Variants in MYLK observed in about 807,000 individuals in gnomAD.
MYLK encodes the protein myosin light chain kinase, smooth muscle.
In MYLK, 106 loss-of-function variants were observed where a neutral mutation model predicts 203.4. The observed-to-expected ratio is 0.52, with a 90% CI of 0.45 to 0.61. The LOEUF is 0.61. Among genes scored for constraint, MYLK ranks in the 20% least tolerant of loss-of-function variants. The pLI is 0.00. For missense variants in MYLK, 2,072 were observed against 2,442.3 expected (o/e 0.85, Z 3.20); for synonymous variants, 867 against 959.5 (o/e 0.90, Z 1.78).
intron 32 of MYLK, 148 bp from the exon 33 acceptor site, chr3:123,618,918 T>A (rs1421820311): frequency 6.5e-6 from 7 of 1,084,602 alleles, no homozygotes; most frequent in Non-Finnish European, 9.4e-6. Context: ...GCCTTTCTCC[T>A]GGGGACAGGT....
chr3:123,735,692 A>G lies in MYLK; in HGVS notation c.755-276T>C, dbSNP rs1055182332. 14 of 445,370 alleles carry G rather than the reference A, an allele frequency of 3.1e-5. No individual in the cohort carries two copies. The Admixed American group carries it at 4.8e-4, about 15-fold the overall frequency. 27.6% of individuals were successfully genotyped at this position (445,370 alleles called of 1,614,324 possible). The stretch of plus-strand genomic sequence containing the variant: ...TGTTCACTAAACAGAAGGAAAAAAA[A>G]CCAATCCAGGGACAAACAAACATCT... On this transcript the variant is annotated intron_variant, in intron 8 of 33. Transcript: ENST00000360304.
chr3:123,701,833 G>T (rs1023153556), intron 16 of MYLK, among the ~76,000 whole-genome samples: 11 of 152,198 alleles, frequency 7.2e-5, no homozygotes. Context: ...CCAATAAAAG[G>T]GGAAGGAGAA....
rs542632128 is a variant in MYLK at position 123,827,750 on chromosome 3, A to G, written c.-4+3798T>C. ...ATATATATATATATATATATATATA[A>G]AGACTCTACCAAAAAACTTAGAACT... On this transcript the variant is annotated intron_variant, in intron 3 of 33. Coordinates refer to ENST00000360304, the MANE Select transcript of MYLK (RefSeq NM_053025.4). Among the ~76,000 whole-genome samples, 657 of 90,762 alleles carry G rather than the reference A, an allele frequency of 7.2e-3. 12 individuals are homozygous for G. Among genetic ancestry groups the G allele is most frequent in the African/African-American group, 0.023 (583 of 25,002 alleles). 59.5% of individuals were successfully genotyped at this position (90,762 alleles called of 152,430 possible).
chr3:123,673,696 G>C (rs1292143681), intron 20 of MYLK, among the ~76,000 whole-genome samples: 1 of 152,164 alleles, frequency 6.6e-6, no homozygotes, highest in East Asian at 1.9e-4. Flanking sequence ...CTCCTCTGGA[G>C]TCACTCTTAT....
At chr3:123,729,681 G>A (rs910337725) in intron 11 of MYLK, among the ~76,000 whole-genome samples, 12 of 152,068 alleles carry the variant, frequency 7.9e-5, no homozygotes, top group African/African-American at 2.9e-4. Flanking sequence ...AGGAGTTCAA[G>A]TCCAGCCTGG....
intron 3 of MYLK, among the ~76,000 whole-genome samples, chr3:123,810,581 A>G (rs2065524591): frequency 6.6e-6 from 1 of 152,234 alleles, no homozygotes; most frequent in African/African-American, 2.4e-5. Context: ...GCCAATGGGG[A>G]TGCCAGTCAT....
intron 2 of MYLK, among the ~76,000 whole-genome samples, chr3:123,852,320 G>C (rs573196981): frequency 6.6e-6 from 1 of 152,210 alleles, no homozygotes; most frequent in South Asian, 2.1e-4. Context: ...GCTCCTCCTT[G>C]TACCTCTGGT....
At position 123,614,201 on chromosome 3, in the gene MYLK, C is replaced by T. The variant is rs748955317; in HGVS notation, c.5649G>A (p.Lys1883=). The T allele has an allele frequency of 1.4e-5, 23 of 1,613,972 alleles. No homozygotes were observed. The highest frequency in any genetic ancestry group is 1.8e-5 in the Non-Finnish European group (21 of 1,180,044). ...TGGCTTCTCCAAGACTGTTGACAGC[C>T]TTGCAGGTGTACTTGGCATCGTCAT... ...CGDDDAKYTC[K]AVNSLGEATC... is the part of the protein sequence containing the mutation. The change falls in exon 34 of 34, where the codon AAG becomes AAA. Residue 1883 remains lysine, a synonymous_variant. Transcript: ENST00000360304.
intron 4 of MYLK, among the ~76,000 whole-genome samples, chr3:123,760,113 T>A (rs547130743): frequency 6.6e-6 from 1 of 152,172 alleles, no homozygotes; most frequent in Non-Finnish European, 1.5e-5. Flanking sequence ...TGGCTCTGAG[T>A]TTACGTAACT....
chr3:123,708,918 G>A (rs754965397), intron 14 of MYLK, 23 bp from the exon 15 acceptor site: 5 of 1,611,396 alleles, frequency 3.1e-6, no homozygotes, highest in Non-Finnish European at 4.2e-6. Flanking sequence ...GAGGGGAAGG[G>A]GGATTGGTTA....
intron 3 of MYLK, among the ~76,000 whole-genome samples, chr3:123,820,981 G>A (rs1577066262): frequency 6.6e-6 from 1 of 151,942 alleles, no homozygotes; most frequent in African/African-American, 2.4e-5. Context: ...CACCCACCTC[G>A]GTCTCCCAAA....
At chr3:123,657,687 A>T (rs1271496994) in intron 23 of MYLK, among the ~76,000 whole-genome samples, 2 of 152,240 alleles carry the variant, frequency 1.3e-5, no homozygotes, top group African/African-American at 4.8e-5. Context: ...TCTACATGCA[A>T]GTCACGATTT....
intron 4 of MYLK, among the ~76,000 whole-genome samples, chr3:123,776,685 C>G (rs750510903): frequency 6.6e-6 from 1 of 152,182 alleles, no homozygotes; most frequent in African/African-American, 2.4e-5. Context: ...TTAGTTATGA[C>G]TAAAAGTTAC....
At chr3:123,803,132 A>C (rs889429446) in intron 3 of MYLK, among the ~76,000 whole-genome samples, 8 of 152,180 alleles carry the variant, frequency 5.3e-5, no homozygotes, top group Non-Finnish European at 1.5e-5. Flanking sequence ...GGCTTGAGGC[A>C]ATTGACAATC....
chr3:123,696,765 T>A (rs1228419772), intron 18 of MYLK, among the ~76,000 whole-genome samples: 1 of 152,234 alleles, frequency 6.6e-6, no homozygotes, highest in Non-Finnish European at 1.5e-5. Context: ...ATTTGTCTTT[T>A]GGGCACAGAG....
chr3:123,759,569 T>C (rs2063469273), intron 4 of MYLK, among the ~76,000 whole-genome samples: 1 of 152,314 alleles, frequency 6.6e-6, no homozygotes, highest in East Asian at 1.9e-4. Context: ...GCCTCCTCCC[T>C]TTCCACCCAT....
intron 4 of MYLK, among the ~76,000 whole-genome samples, chr3:123,762,933 C>G (rs1047392908): frequency 2.6e-5 from 4 of 152,172 alleles, no homozygotes; most frequent in African/African-American, 7.2e-5. Flanking sequence ...GTTATAGCAG[C>G]ACAAACTTTA....
intron 24 of MYLK, among the ~76,000 whole-genome samples, chr3:123,650,069 G>A (rs936636353): frequency 1.3e-5 from 2 of 152,170 alleles, no homozygotes; most frequent in African/African-American, 4.8e-5. Context: ...GAACAGGGGG[G>A]CATCCAGCAC....
At position 123,740,088 on chromosome 3, in the gene MYLK, G is replaced by T; in HGVS notation, c.374-87C>A. 8 of 1,301,952 alleles carry T rather than the reference G, an allele frequency of 6.1e-6. No individual in the cohort carries two copies. In the South Asian group the frequency reaches 8.3e-5, roughly 14 times the overall value. The allele number at this position is 1,301,952 out of a possible 1,614,324, so 80.6% of individuals were successfully genotyped here. A position where few individuals can be genotyped will look rare whatever the true frequency, so the allele number is the denominator to read the frequency against. On this transcript the variant is annotated intron_variant, in intron 5 of 33. Coordinates refer to ENST00000360304, the MANE Select transcript of MYLK (RefSeq NM_053025.4). ...AAGATTCAACAGCAGGGGTGGGTGG[G>T]ATAGTGATGGTGATCATTAATCTTG...
Sources: allele counts gnomAD v4.1 joint callset (sites outside exome capture counted in the v4.1 genomes callset), GRCh38; gene constraint gnomAD v4.1.1; transcripts MANE v1.5; gene names NCBI Gene and HGNC (gene_info 2026-07-23, HGNC 2026-07-21).